The following ADAM22 variants were observed in gnomAD, a reference collection of about 807,000 sequenced individuals.
ADAM22 encodes disintegrin and metalloproteinase domain-containing protein 22.
A neutral mutation model predicts 144.6 loss-of-function variants in ADAM22; 65 were observed. That is an observed-to-expected ratio of 0.45 (90% CI 0.37 to 0.55). The LOEUF is 0.55. Ranked by LOEUF, ADAM22 falls within the 20% of genes least tolerant of loss-of-function variation. The pLI, the probability that ADAM22 is intolerant of heterozygous loss-of-function variation, is 0.00. For missense variants in ADAM22, 974 were observed against 1,184.9 expected, an observed-to-expected ratio of 0.82 and a Z score of 2.61; for synonymous variants, 391 against 412.6, an observed-to-expected ratio of 0.95 and a Z score of 0.63.
At chr7:88,120,594 A>G (rs1048100918) in intron 7 of ADAM22, among the ~76,000 whole-genome samples, 1 of 152,194 alleles carries the variant, frequency 6.6e-6, no homozygotes, top group Non-Finnish European at 1.5e-5. Context: ...AATGATGTGT[A>G]GTATATACTT....
chr7:87,955,958 G>A (rs182859973), intron 2 of ADAM22, among the ~76,000 whole-genome samples: 88 of 152,314 alleles, frequency 5.8e-4, no homozygotes, highest in Admixed American at 3.4e-3. Flanking sequence ...CTCCTGGTGC[G>A]CCGTTTCCTA....
intron 8 of ADAM22, 77 bp downstream of exon 8, chr7:88,125,736 T>A: frequency 8.4e-7 from 1 of 1,195,906 alleles, no homozygotes; most frequent in East Asian, 2.6e-5. Flanking sequence ...ACAGTAAGTC[T>A]GTGTGAGAGG....
Position 88,197,454 on chromosome 7 carries a change from A to T in ADAM22, c.*963A>T, listed in dbSNP as rs1424476063. The T allele has an allele frequency of 6.6e-6, 1 of 152,162 alleles. No homozygotes were observed. Among genetic ancestry groups the T allele is most frequent in the Non-Finnish European group, 1.5e-5 (1 of 68,042 alleles). 9.4% of individuals were successfully genotyped at this position (152,162 alleles called of 1,614,324 possible). Reference sequence around the variant, plus strand: ...TGCTGCCGATGGGCTGCTCCCTGGAAATCATCTATCCCATCCGTCCATCCC... The same window carrying T: ...TGCTGCCGATGGGCTGCTCCCTGGATATCATCTATCCCATCCGTCCATCCC... On this transcript the variant is annotated 3_prime_UTR_variant, in exon 32 of 32. Coordinates refer to ENST00000413139, the MANE Select transcript of ADAM22 (RefSeq NM_001324418.2).
chr7:88,006,034 G>A (rs1482977824), intron 3 of ADAM22, among the ~76,000 whole-genome samples: 1 of 152,002 alleles, frequency 6.6e-6, no homozygotes, highest in East Asian at 1.9e-4. Context: ...TAAGGTAATA[G>A]TCATTTTGAA....
At chr7:88,078,811 G>A (rs1031922994) in intron 4 of ADAM22, among the ~76,000 whole-genome samples, 4 of 152,158 alleles carry the variant, frequency 2.6e-5, no homozygotes, top group Admixed American at 2.6e-4. Flanking sequence ...AGAATAAAAA[G>A]AAATGAGCAA....
At chr7:88,159,097 A>C (rs1166800381) in intron 22 of ADAM22, among the ~76,000 whole-genome samples, 1 of 152,150 alleles carries the variant, frequency 6.6e-6, no homozygotes, top group African/African-American at 2.4e-5. Flanking sequence ...ACAGAAATAC[A>C]AACAATCATC....
chr7:87,954,471 C>G (rs904846860), intron 2 of ADAM22, among the ~76,000 whole-genome samples: 1 of 152,106 alleles, frequency 6.6e-6, no homozygotes, highest in African/African-American at 2.4e-5. Context: ...AATAGTGGCC[C>G]CCACTCTCTT....
intron 2 of ADAM22, among the ~76,000 whole-genome samples, chr7:87,962,384 A>G (rs1457378095): frequency 6.6e-6 from 1 of 152,210 alleles, no homozygotes; most frequent in African/African-American, 2.4e-5. Flanking sequence ...GGTGCCAAAC[A>G]TTGGGACTAC....
At chr7:88,140,112 C>A (rs898842404) in intron 14 of ADAM22, among the ~76,000 whole-genome samples, 1 of 150,968 alleles carries the variant, frequency 6.6e-6, no homozygotes, top group African/African-American at 2.5e-5. Context: ...GTGCTAGGCT[C>A]TTTTTAACAA....
chr7:87,977,579 G>C (rs528486042), intron 2 of ADAM22, among the ~76,000 whole-genome samples: 1 of 152,106 alleles, frequency 6.6e-6, no homozygotes. Flanking sequence ...TTGGTGAGTC[G>C]AATGGAACAC....
At chr7:87,998,535 T>C (rs1791785600) in intron 3 of ADAM22, among the ~76,000 whole-genome samples, 2 of 152,022 alleles carry the variant, frequency 1.3e-5, no homozygotes, top group Admixed American at 1.3e-4. Context: ...CGACTACAGG[T>C]GCACGCCACA....
intron 4 of ADAM22, among the ~76,000 whole-genome samples, chr7:88,082,619 A>G (rs538683563): frequency 1.3e-5 from 2 of 152,330 alleles, no homozygotes; most frequent in African/African-American, 4.8e-5. Context: ...AGAATCTACA[A>G]TGTACTCAAA....
At chr7:88,174,362 A>G (rs891586112) in intron 26 of ADAM22, among the ~76,000 whole-genome samples, 5 of 152,148 alleles carry the variant, frequency 3.3e-5, no homozygotes, top group African/African-American at 9.6e-5. Context: ...GTGCAGCATC[A>G]CTTTAAATCT....
intron 3 of ADAM22, among the ~76,000 whole-genome samples, chr7:88,041,622 A>C (rs1803153865): frequency 6.6e-6 from 1 of 151,980 alleles, no homozygotes; most frequent in Non-Finnish European, 1.5e-5. Flanking sequence ...GTTTTTAATG[A>C]GAGATACACG....
chr7:88,168,576 TA>T (rs1388605919), intron 25 of ADAM22, among the ~76,000 whole-genome samples: 1 of 152,186 alleles, frequency 6.6e-6, no homozygotes, highest in Non-Finnish European at 1.5e-5. Flanking sequence ...TCAAACATTG[TA>T]AACTTATTTA....
Position 88,200,237 on chromosome 7 carries a change from A to G in ADAM22, c.*3746A>G, listed in dbSNP as rs1851089398. 6.6e-6 allele frequency: 1 copy of G among 152,198 alleles called. No individual in the cohort carries two copies. Among genetic ancestry groups the G allele is most frequent in the Admixed American group, 6.5e-5 (1 of 15,270 alleles). The allele number at this position is 152,198 out of a possible 1,614,324, so 9.4% of individuals were successfully genotyped here. ...TTCCTATTGTCGTATAGTTCTAACC[A>G]TATATATAGTACTTTAAATATTTTC... On this transcript the variant is annotated 3_prime_UTR_variant, in exon 32 of 32. Coordinates refer to ENST00000413139, the MANE Select transcript of ADAM22 (RefSeq NM_001324418.2).
intron 3 of ADAM22, among the ~76,000 whole-genome samples, chr7:88,068,175 A>G (rs946486667): frequency 6.6e-6 from 1 of 152,182 alleles, no homozygotes; most frequent in African/African-American, 2.4e-5. Flanking sequence ...GTGCATGGCT[A>G]GAGAAACTAA....
intron 4 of ADAM22, among the ~76,000 whole-genome samples, chr7:88,095,988 G>C (rs888745305): frequency 1.4e-5 from 2 of 142,830 alleles, no homozygotes; most frequent in African/African-American, 5.2e-5. Flanking sequence ...GAGTGCAGTG[G>C]TGCGATCATA....
intron 11 of ADAM22, chr7:88,131,712 A>G (rs1346922945): frequency 2.4e-5 from 10 of 414,104 alleles, no homozygotes; most frequent in Non-Finnish European, 3.8e-5. Context: ...ACTCATATAT[A>G]GTATTCTTAA....
Sources: gnomAD v4.1 joint callset for allele counts (sites outside exome capture counted in the v4.1 genomes callset) on GRCh38, gnomAD v4.1.1 for gene constraint, MANE v1.5 for transcripts, NCBI Gene and HGNC (gene_info 2026-07-23, HGNC 2026-07-21) for gene names.